MED13: variants seen among roughly 807,000 people sequenced by gnomAD.
MED13 encodes mediator of RNA polymerase II transcription subunit 13.
A neutral mutation model predicts 225.2 loss-of-function variants in MED13; 23 were observed. The observed-to-expected ratio is 0.10, with a 90% CI of 0.07 to 0.14. MED13 has a LOEUF of 0.14. MED13 is among the 10% of genes least tolerant of loss of function. The pLI is 1.00. For synonymous variants in MED13, 942 were observed against 889.2 expected, an observed-to-expected ratio of 1.06 and a Z score of -1.06; for missense variants, 2,197 against 2,594.5, an observed-to-expected ratio of 0.85 and a Z score of 3.33.
intron 10 of MED13, 62 bp downstream of exon 10, chr17:61,995,090 G>T: frequency 9.5e-7 from 1 of 1,051,698 alleles, no homozygotes. Context: ...TAGTAAGAGT[G>T]TTACTATATG....
At position 61,945,140 on chromosome 17, in the gene MED13, A is replaced by T. The variant is rs183581232; in HGVS notation, c.*1328T>A. 3.1e-4 allele frequency: 47 copies of T among 152,476 alleles called. No individual in the cohort carries two copies. Among genetic ancestry groups the T allele is most frequent in the African/African-American group, 1.1e-3 (46 of 41,560 alleles). The allele number at this position is 152,476 out of a possible 1,614,324, so 9.4% of individuals were successfully genotyped here. A position where few individuals can be genotyped will look rare whatever the true frequency, so the allele number is the denominator to read the frequency against. Reference sequence around the variant, plus strand: ...TAAATAAAAAAGGCAAGGGAAGTTTAAAAAATGGTTCTTTCACTAGTGGAA... The same window carrying T: ...TAAATAAAAAAGGCAAGGGAAGTTTTAAAAATGGTTCTTTCACTAGTGGAA... On this transcript the variant is annotated 3_prime_UTR_variant, in exon 30 of 30. Coordinates refer to ENST00000397786, the MANE Select transcript of MED13 (RefSeq NM_005121.3).
chr17:62,018,618 G>A (rs2080605911), intron 8 of MED13, among the ~76,000 whole-genome samples: 1 of 151,956 alleles, frequency 6.6e-6, no homozygotes. Flanking sequence ...GGAGGCTGAG[G>A]CACGAAAATC....
At chr17:62,003,305 A>T (rs1160232797) in intron 9 of MED13, among the ~76,000 whole-genome samples, 2 of 152,172 alleles carry the variant, frequency 1.3e-5, no homozygotes, top group South Asian at 2.1e-4. Flanking sequence ...AACAAGGCTT[A>T]TATCTAAAAG....
At chr17:62,025,955 A>G (rs1010081655) in intron 8 of MED13, among the ~76,000 whole-genome samples, 10 of 152,230 alleles carry the variant, frequency 6.6e-5, no homozygotes, top group Non-Finnish European at 5.9e-5. Flanking sequence ...CAAAAACATA[A>G]CAGCACACTT....
intron 9 of MED13, among the ~76,000 whole-genome samples, chr17:62,003,547 G>C (rs947490956): frequency 1.5e-5 from 2 of 131,140 alleles, no homozygotes; most frequent in Non-Finnish European, 3.1e-5. Context: ...AGAGGTTGCA[G>C]TGAGCCAAGA....
At chr17:62,014,022 T>A (rs937292125) in intron 8 of MED13, among the ~76,000 whole-genome samples, 23 of 151,550 alleles carry the variant, frequency 1.5e-4, no homozygotes, top group Admixed American at 1.3e-4. Context: ...CTGGGCGACA[T>A]AGCGAGACTC....
chr17:61,955,587 T>A lies in MED13; in HGVS notation c.5783-20A>T. On this transcript the variant is annotated intron_variant, in intron 25 of 29. Coordinates refer to ENST00000397786, the MANE Select transcript of MED13 (RefSeq NM_005121.3). ...CAGAATCTGAAAATGAAAGACATTT[T>A]TTCTTTTAATAAACGAAGAATAAAT... is the stretch of plus-strand genomic sequence containing the variant. 6.5e-7 allele frequency: 1 copy of A among 1,543,972 alleles called. No individual in the cohort carries two copies. Among genetic ancestry groups the A allele is most frequent in the South Asian group, 1.3e-5 (1 of 78,732 alleles).
Position 62,038,433 on chromosome 17 carries a change from A to G in MED13, c.471-2825T>C, listed in dbSNP as rs535703854. Among the ~76,000 whole-genome samples the G allele has an allele frequency of 6.4e-3, 968 of 152,290 alleles. 8 individuals carry two copies. The highest frequency in any genetic ancestry group is 0.022 in the African/African-American group (913 of 41,580). On this transcript the variant is annotated intron_variant, in intron 3 of 29. Coordinates refer to ENST00000397786, the MANE Select transcript of MED13 (RefSeq NM_005121.3). ...TTCTCATGACAAAGCATTTTAAAAT[A>G]ATTTTAAAAATTATTTTAAAAACAT... is the stretch of plus-strand genomic sequence containing the variant.
chr17:61,990,925 G>A (rs953082265), intron 11 of MED13, among the ~76,000 whole-genome samples: 1 of 152,068 alleles, frequency 6.6e-6, no homozygotes, highest in Non-Finnish European at 1.5e-5. Context: ...TAACTTGTGT[G>A]TGTGGGAAGA....
chr17:62,013,257 A>G (rs1216276903), intron 8 of MED13, among the ~76,000 whole-genome samples: 1 of 152,186 alleles, frequency 6.6e-6, no homozygotes, highest in African/African-American at 2.4e-5. Flanking sequence ...ACCATAGACC[A>G]TTATCTCTTA....
intron 2 of MED13, among the ~76,000 whole-genome samples, chr17:62,057,436 C>A (rs138858877): frequency 9.9e-5 from 15 of 152,232 alleles, no homozygotes; most frequent in South Asian, 4.1e-4. Flanking sequence ...AGAAATACAG[C>A]AAATGAAGTT....
intron 16 of MED13, among the ~76,000 whole-genome samples, chr17:61,981,565 C>A (rs2080204870): frequency 6.6e-6 from 1 of 152,078 alleles, no homozygotes; most frequent in Admixed American, 6.6e-5. Context: ...GCAAAATACT[C>A]CCTCAGGGTC....
At chr17:61,991,698 C>T (rs991789625) in intron 11 of MED13, among the ~76,000 whole-genome samples, 2 of 152,058 alleles carry the variant, frequency 1.3e-5, no homozygotes, top group South Asian at 2.1e-4. Flanking sequence ...TTAGTAGAGA[C>T]GGGGTTTCAC....
intron 18 of MED13, among the ~76,000 whole-genome samples, 197 bp downstream of exon 18, chr17:61,967,833 GATAGC>G (rs1265260424): frequency 1.3e-5 from 2 of 152,102 alleles, no homozygotes; most frequent in African/African-American, 4.8e-5. Flanking sequence ...CCTATAGGGG[GATAGC>G]CACTCTGACC....
At position 61,950,778 on chromosome 17, in the gene MED13, G is replaced by A. The variant is rs371480743; in HGVS notation, c.6291+47C>T. 2.1e-5 allele frequency: 32 copies of A among 1,558,666 alleles called. No individual in the cohort carries two copies. In the East Asian group the frequency reaches 7.2e-4, roughly 35 times the overall value. On this transcript the variant is annotated intron_variant, in intron 28 of 29. Coordinates refer to ENST00000397786, the MANE Select transcript of MED13 (RefSeq NM_005121.3). ...CCACTTCTATATTTCTCAGGACTTAGGCTGTCAATCAGAATTATTTAGGAA... is the reference window on the plus strand; with the variant it reads ...CCACTTCTATATTTCTCAGGACTTAAGCTGTCAATCAGAATTATTTAGGAA...
At chr17:62,059,672 A>G (rs1381170695) in intron 2 of MED13, among the ~76,000 whole-genome samples, 1 of 152,214 alleles carries the variant, frequency 6.6e-6, no homozygotes, top group African/African-American at 2.4e-5. Context: ...GAAGAAATGA[A>G]AAAGGGGTTA....
intron 3 of MED13, among the ~76,000 whole-genome samples, chr17:62,048,045 T>TATAC (rs200841910): frequency 0.026 from 3,475 of 131,396 alleles, 53 homozygotes; most frequent in East Asian, 0.03. Flanking sequence ...TACATATACA[T>TATAC]ATATATATAT....
At chr17:61,978,889 T>A (rs538721174) in intron 16 of MED13, among the ~76,000 whole-genome samples, 3 of 152,322 alleles carry the variant, frequency 2.0e-5, no homozygotes, top group African/African-American at 7.2e-5. Context: ...CACTGGTCCA[T>A]GTGTTGTCCT....
chr17:62,037,422 TG>T, intron 3 of MED13, among the ~76,000 whole-genome samples: 1 of 150,730 alleles, frequency 6.6e-6, no homozygotes, highest in African/African-American at 2.4e-5. Flanking sequence ...CCCAGCACTT[TG>T]GGAGGCTGAG....
Sources: gnomAD v4.1 joint callset for allele counts (sites outside exome capture counted in the v4.1 genomes callset) on GRCh38, gnomAD v4.1.1 for gene constraint, MANE v1.5 for transcripts, NCBI Gene and HGNC (gene_info 2026-07-23, HGNC 2026-07-21) for gene names.